KALRN: variants seen among roughly 807,000 people sequenced by gnomAD.
KALRN encodes kalirin RhoGEF kinase.
KALRN carries 70 observed loss-of-function variants against 353.7 expected under a neutral mutation model. The ratio of observed to expected loss-of-function variants is 0.20; its 90% confidence interval spans 0.16 to 0.24. The LOEUF is 0.24. KALRN is among the 10% of genes least tolerant of loss of function. KALRN has a pLI of 1.00. For missense variants in KALRN, 2,791 were observed against 3,756.7 expected, an observed-to-expected ratio of 0.74 and a Z score of 6.72; for synonymous variants, 1,391 against 1,434.8, an observed-to-expected ratio of 0.97 and a Z score of 0.69.
At chr3:124,138,375 G>A (rs974183405) in intron 1 of KALRN, among the ~76,000 whole-genome samples, 1 of 152,168 alleles carries the variant, frequency 6.6e-6, no homozygotes, top group Non-Finnish European at 1.5e-5. Context: ...TCCACCAGTG[G>A]TATCACCCAC....
intron 32 of KALRN, among the ~76,000 whole-genome samples, chr3:124,495,729 T>TAAAA (rs1170201040): frequency 1.1e-3 from 77 of 68,178 alleles, no homozygotes; most frequent in African/African-American, 1.6e-3. Context: ...GACTCCATCT[T>TAAAA]AAAAAAAAAA....
intron 3 of KALRN, among the ~76,000 whole-genome samples, chr3:124,245,160 G>T (rs1036817844): frequency 6.6e-6 from 1 of 151,906 alleles, no homozygotes; most frequent in East Asian, 1.9e-4. Flanking sequence ...TCTTCCCAGC[G>T]TCTGGTAATC....
chr3:124,486,253 G>T (rs1026456091), intron 28 of KALRN, among the ~76,000 whole-genome samples: 6 of 149,130 alleles, frequency 4.0e-5, no homozygotes, highest in African/African-American at 7.8e-5. Flanking sequence ...GTTTTGGGCA[G>T]GGGGGGATTA....
At chr3:124,249,074 T>C (rs1423423881) in intron 3 of KALRN, among the ~76,000 whole-genome samples, 1 of 152,242 alleles carries the variant, frequency 6.6e-6, no homozygotes, top group African/African-American at 2.4e-5. Context: ...GCTCTGACTA[T>C]GAAGGAGTGC....
intron 9 of KALRN, among the ~76,000 whole-genome samples, chr3:124,346,359 C>T (rs890494050): frequency 1.3e-5 from 2 of 152,142 alleles, no homozygotes; most frequent in Non-Finnish European, 2.9e-5. Flanking sequence ...CTCTCTCACC[C>T]CTCTATTGCC....
At chr3:124,390,491 T>C (rs1248997903) in intron 11 of KALRN, among the ~76,000 whole-genome samples, 1 of 152,152 alleles carries the variant, frequency 6.6e-6, no homozygotes, top group African/African-American at 2.4e-5. Flanking sequence ...GAACCAAAAC[T>C]AAATTGGTCT....
At chr3:124,497,975 T>G (rs2108585545) in intron 33 of KALRN, among the ~76,000 whole-genome samples, 1 of 152,366 alleles carries the variant, frequency 6.6e-6, no homozygotes, top group South Asian at 2.1e-4. Context: ...GGGGCTGGAC[T>G]AGAAGACCTT....
chr3:124,481,400 T>C (rs2061970197), intron 27 of KALRN, among the ~76,000 whole-genome samples: 1 of 152,142 alleles, frequency 6.6e-6, no homozygotes, highest in Non-Finnish European at 1.5e-5. Flanking sequence ...AGAGATGGGA[T>C]CTGGCCATGT....
At chr3:124,560,799 C>T (rs1224073859) in intron 33 of KALRN, among the ~76,000 whole-genome samples, 1 of 152,142 alleles carries the variant, frequency 6.6e-6, no homozygotes, top group East Asian at 1.9e-4. Context: ...ATCACTTGAG[C>T]CAGAGAGGTA....
chr3:124,307,090 C>T (rs1002388389), intron 6 of KALRN, among the ~76,000 whole-genome samples: 1 of 152,086 alleles, frequency 6.6e-6, no homozygotes, highest in Non-Finnish European at 1.5e-5. Context: ...AATTATGTGA[C>T]TATAAAAGAC....
chr3:124,484,785 C>G (rs1381937090), intron 28 of KALRN, among the ~76,000 whole-genome samples: 1 of 152,226 alleles, frequency 6.6e-6, no homozygotes, highest in Non-Finnish European at 1.5e-5. Context: ...TCTTTCCTAT[C>G]CCACTTGATG....
At chr3:124,515,466 T>A (rs552673530) in intron 33 of KALRN, among the ~76,000 whole-genome samples, 1 of 152,356 alleles carries the variant, frequency 6.6e-6, no homozygotes, top group South Asian at 2.1e-4. Flanking sequence ...AAAATGTGCT[T>A]GATATCCTGC....
At chr3:124,304,091 T>G (rs2077480686) in intron 6 of KALRN, among the ~76,000 whole-genome samples, 2 of 150,590 alleles carry the variant, frequency 1.3e-5, no homozygotes, top group Admixed American at 1.3e-4. Flanking sequence ...ACAGGCAGCA[T>G]TTTTTAGAAT....
chr3:124,127,811 C>T (rs953026767), intron 1 of KALRN, among the ~76,000 whole-genome samples: 1 of 152,212 alleles, frequency 6.6e-6, no homozygotes, highest in Non-Finnish European at 1.5e-5. Context: ...CAAAGCTATA[C>T]AATTTCATTT....
chr3:124,566,253 C>T (rs2072812370), intron 34 of KALRN, among the ~76,000 whole-genome samples: 1 of 152,160 alleles, frequency 6.6e-6, no homozygotes, highest in Admixed American at 6.5e-5. Context: ...GTAATCCCAG[C>T]ACTTTGGGAG....
chr3:124,645,028 G>A (rs185679425), intron 37 of KALRN, among the ~76,000 whole-genome samples: 52 of 152,274 alleles, frequency 3.4e-4, no homozygotes, highest in African/African-American at 1.2e-3. Flanking sequence ...TCTAACTGGC[G>A]TGAGATGGTA....
intron 33 of KALRN, among the ~76,000 whole-genome samples, chr3:124,557,007 T>C (rs2071345666): frequency 6.6e-6 from 1 of 152,258 alleles, no homozygotes; most frequent in Non-Finnish European, 1.5e-5. Context: ...AATGGCTGCA[T>C]AATTAATTAC....
At chr3:124,666,759 T>G in intron 46 of KALRN, 125 bp downstream of exon 46, 1 of 822,108 alleles carries the variant, frequency 1.2e-6, no homozygotes, top group East Asian at 2.6e-5. Flanking sequence ...CGAATAACAT[T>G]CGGTCATGGA....
chr3:124,218,499 G>A (rs970419542), intron 1 of KALRN, among the ~76,000 whole-genome samples: 1 of 152,184 alleles, frequency 6.6e-6, no homozygotes, highest in African/African-American at 2.4e-5. Context: ...CTGTTACTTT[G>A]AGGACCCATC....
Sources: allele counts gnomAD v4.1 joint callset (sites outside exome capture counted in the v4.1 genomes callset), GRCh38; gene constraint gnomAD v4.1.1; transcripts MANE v1.5; gene names NCBI Gene and HGNC (gene_info 2026-07-23, HGNC 2026-07-21).